SUMF2: variants seen among roughly 807,000 people sequenced by gnomAD.
SUMF2 encodes the protein sulfatase modifying factor 2.
Under a neutral mutation model 44.8 loss-of-function variants are expected in SUMF2, and 45 were observed. The ratio of observed to expected loss-of-function variants is 1.00; its 90% CI spans 0.79 to 1.29. The LOEUF is 1.29. Among genes scored for constraint, SUMF2 ranks in the 50% most tolerant of loss-of-function variants. The probability of loss-of-function intolerance (pLI) is 0.00; values close to 1 mark genes in which losing one functional copy is unlikely to be tolerated. For missense variants in SUMF2, 418 were observed against 389.9 expected, an observed-to-expected ratio of 1.07 and a Z score of -0.61; for synonymous variants, 148 against 150.4, an observed-to-expected ratio of 0.98 and a Z score of 0.12.
chr7:56,072,197 G>T (rs1025331059), intron 2 of SUMF2, among the ~76,000 whole-genome samples: 1 of 151,888 alleles, frequency 6.6e-6, no homozygotes, highest in African/African-American at 2.4e-5. Flanking sequence ...AGGCCACTTT[G>T]GGTGGATCAC....
chr7:56,083,834 T>G, downstream of SUMF2: 1 of 723,524 alleles, frequency 1.4e-6, no homozygotes. Context: ...CCACTCTCCG[T>G]GGAGAACCAC....
At chr7:56,076,752 T>G in intron 5 of SUMF2, 82 bp from the exon 6 acceptor site, 1 of 1,305,902 alleles carries the variant, frequency 7.7e-7, no homozygotes. Context: ...TCCTTTTGAT[T>G]CCCTCACTCT....
downstream of SUMF2, chr7:56,080,893 C>G: frequency 1.2e-6 from 1 of 812,314 alleles, no homozygotes; most frequent in Non-Finnish European, 1.9e-6. Flanking sequence ...TTCCCTTGTG[C>G]ACAGCCTTTG....
downstream of SUMF2, chr7:56,084,353 A>G (rs1006630959): frequency 2.7e-5 from 16 of 596,418 alleles, no homozygotes; most frequent in African/African-American, 3.1e-4. Flanking sequence ...CCAGATCAGA[A>G]GGACGTGAGT....
chr7:56,078,684 CTTGCTATGAAAAGCA>C (rs564161358), intron 8 of SUMF2, among the ~76,000 whole-genome samples, 176 bp downstream of exon 8: 103 of 152,288 alleles, frequency 6.8e-4, no homozygotes, highest in Admixed American at 1.4e-3. Context: ...GCCAGCAGCA[CTTGCTATGAAAAGCA>C]AAGGGACCCA....
chr7:56,086,964 A>G, the SUMF2 span: 2 of 1,610,676 alleles, frequency 1.2e-6, no homozygotes, highest in Non-Finnish European at 1.7e-6. Context: ...AGTGCTGGGT[A>G]CTTACAGGTC....
chr7:56,083,454 A>G (rs772986656), downstream of SUMF2: 2 of 1,613,674 alleles, frequency 1.2e-6, no homozygotes, highest in South Asian at 2.2e-5. Flanking sequence ...AGGGTGGGGC[A>G]CACACTTGTT....
intron 2 of SUMF2, among the ~76,000 whole-genome samples, chr7:56,072,196 TG>T: frequency 6.6e-6 from 1 of 151,554 alleles, no homozygotes; most frequent in Non-Finnish European, 1.5e-5. Context: ...GAGGCCACTT[TG>T]GGTGGATCAC....
the SUMF2 span, chr7:56,087,110 G>T: frequency 1.0e-6 from 1 of 973,056 alleles, no homozygotes; most frequent in Non-Finnish European, 1.7e-6. Flanking sequence ...GACCGAGGCT[G>T]CTGTGGGCTA....
At chr7:56,074,854 T>TG (rs1795435788) in intron 5 of SUMF2, 118 bp downstream of exon 5, 2 of 1,324,276 alleles carry the variant, frequency 1.5e-6, no homozygotes, top group Admixed American at 4.2e-5. Context: ...TCCCAACACT[T>TG]TGGGAGGCTG....
At chr7:56,078,008 C>A in intron 6 of SUMF2, 94 bp from the exon 7 acceptor site, 1 of 1,075,724 alleles carries the variant, frequency 9.3e-7, no homozygotes, top group Non-Finnish European at 1.4e-6. Flanking sequence ...TCCCCAGATG[C>A]AACAGCAAGA....
chr7:56,083,762 C>T (rs760591982), downstream of SUMF2: 1 of 1,298,114 alleles, frequency 7.7e-7, no homozygotes. Context: ...AAGACCACCA[C>T]TGCCCTTACC....
At position 56,078,409 on chromosome 7, in the gene SUMF2, C is replaced by T. The variant is rs150538960; in HGVS notation, c.722C>T (p.Pro241Leu). 4.3e-5 allele frequency: 69 copies of T among 1,611,836 alleles called. No individual in the cohort carries two copies. Among genetic ancestry groups the T allele is most frequent in the Non-Finnish European group, 5.4e-5 (64 of 1,178,790 alleles). Residue 241 changes from proline (P) to leucine (L), a missense_variant, in exon 8 of 9, where the codon CCG becomes CTG. Transcript: ENST00000434526. ...LGNVWEWTAS[P>L]YQAAEQDMRV... ...AACGTGTGGGAGTGGACAGCATCAC[C>T]GTACCAGGCTGCTGAGCAGGACATG...
At chr7:56,073,982 T>G in intron 3 of SUMF2, 192 bp from the exon 4 acceptor site, 1 of 594,044 alleles carries the variant, frequency 1.7e-6, no homozygotes, top group Non-Finnish European at 2.9e-6. Context: ...GCCACTGCAC[T>G]CTAGCCTGAG....
chr7:56,084,155 C>G, downstream of SUMF2: 1 of 1,526,192 alleles, frequency 6.6e-7, no homozygotes, highest in East Asian at 2.4e-5. Context: ...GTACCTTGCC[C>G]TGCCCTGGGC....
At chr7:56,080,947 C>T (rs1471848134), downstream of SUMF2, 2 of 1,352,672 alleles carry the variant, frequency 1.5e-6, no homozygotes, top group Non-Finnish European at 2.0e-6. Context: ...TGGCCAGGGC[C>T]AAGTGCTCCT....
chr7:56,078,223 A>ACT, intron 7 of SUMF2, 37 bp downstream of exon 7: 1 of 1,592,080 alleles, frequency 6.3e-7, no homozygotes, highest in African/African-American at 1.3e-5. Context: ...GTGCCCATGA[A>ACT]CTGGCTGTTG....
At chr7:56,079,385 C>T (rs1379516473) in intron 8 of SUMF2, 143 bp from the exon 9 acceptor site, 2 of 821,974 alleles carry the variant, frequency 2.4e-6, no homozygotes, top group African/African-American at 1.7e-5. Flanking sequence ...GTCCTCACAC[C>T]AGGCTTCTTT....
chr7:56,080,002 A>C lies in SUMF2; in HGVS notation c.*390A>C. 1.1e-6 allele frequency: 1 copy of C among 899,704 alleles called. No homozygotes were observed. The allele number at this position is 899,704 out of a possible 1,614,324, so 55.7% of individuals were successfully genotyped here. A position where few individuals can be genotyped will look rare whatever the true frequency, so the allele number is the denominator to read the frequency against. ...GAAGCTGACATTGTTTCCTCAAGGC[A>C]GAATTTTCCTGGTTCTGTTTTCTCA... On this transcript the variant is annotated 3_prime_UTR_variant, in exon 9 of 9. Coordinates refer to ENST00000434526, the MANE Select transcript of SUMF2 (RefSeq NM_015411.4).
Sources: gnomAD v4.1 joint callset for allele counts (sites outside exome capture counted in the v4.1 genomes callset) on GRCh38, gnomAD v4.1.1 for gene constraint, MANE v1.5 for transcripts, NCBI Gene and HGNC (gene_info 2026-07-23, HGNC 2026-07-21) for gene names.